RXRB: variants seen among roughly 807,000 people sequenced by gnomAD.
RXRB encodes the protein retinoic acid receptor RXR-beta.
RXRB carries 18 observed loss-of-function variants against 52.5 expected under a neutral mutation model. The ratio of observed to expected loss-of-function variants is 0.34; its 90% CI spans 0.24 to 0.51. The LOEUF (loss-of-function observed/expected upper bound fraction) is 0.51, where lower values mean the gene tolerates loss of function less well. RXRB is among the 20% of genes least tolerant of loss of function. The probability of loss-of-function intolerance (pLI) is 0.97; values close to 1 mark genes in which losing one functional copy is unlikely to be tolerated. For missense variants in RXRB, 455 were observed against 698.2 expected (o/e 0.65, Z 3.92); for synonymous variants, 233 against 267.1 (o/e 0.87, Z 1.25).
chr6:33,196,612 G>A lies in RXRB; in HGVS notation c.821-6C>T, dbSNP rs1332983995. 1 of 1,578,920 alleles carries A rather than the reference G, an allele frequency of 6.3e-7. No individual in the cohort carries two copies. Among genetic ancestry groups the A allele is most frequent in the Non-Finnish European group, 8.6e-7 (1 of 1,163,770 alleles). ...CTGACGCTCCTCCTGTACCGCTGCAGGGGGAAGGGGGAGAGAAAAAATGGA... is the reference window on the plus strand; with the variant it reads ...CTGACGCTCCTCCTGTACCGCTGCAAGGGGAAGGGGGAGAGAAAAAATGGA... On this transcript the variant is annotated splice_polypyrimidine_tract_variant and splice_region_variant and intron_variant, in intron 4 of 9. Coordinates refer to ENST00000374680, the MANE Select transcript of RXRB (RefSeq NM_021976.5). This position sits in a 1 kb window ranked among gnomAD's most constrained non-coding sequence, Gnocchi z 4.0.
chr6:33,195,864 G>A lies in RXRB; in HGVS notation c.1123+43C>T, dbSNP rs764902968. On this transcript the variant is annotated intron_variant, in intron 6 of 9. Transcript: ENST00000374680. The surrounding 1 kb of genome is among the most constrained non-coding windows in gnomAD (Gnocchi z 8.6). ...TCACTAAAGATCGGGAAGTCAAAGA[G>A]GGGTCAAATGTCAAGAAGTCAAAGG... 6 of 1,610,458 alleles carry A rather than the reference G, an allele frequency of 3.7e-6. No individual in the cohort carries two copies. In the East Asian group the frequency reaches 1.1e-4, roughly 30 times the overall value.
Position 33,194,397 on chromosome 6 carries a change from G to A in RXRB, c.*285C>T. Reference sequence around the variant, plus strand: ...GGCAAGGCCAGTGCTTTGTGCTGGGGGAAGGACAGAGGGTGAGAAATCACC... The same window carrying A: ...GGCAAGGCCAGTGCTTTGTGCTGGGAGAAGGACAGAGGGTGAGAAATCACC... On this transcript the variant is annotated 3_prime_UTR_variant, in exon 10 of 10. Coordinates refer to ENST00000374680, the MANE Select transcript of RXRB (RefSeq NM_021976.5). The surrounding 1 kb of genome is among the most constrained non-coding windows in gnomAD (Gnocchi z 4.1). 2.3e-6 allele frequency: 1 copy of A among 431,572 alleles called. No individual in the cohort carries two copies. The highest frequency in any genetic ancestry group is 4.3e-5 in the South Asian group (1 of 23,378). 26.7% of individuals were successfully genotyped at this position (431,572 alleles called of 1,614,324 possible). A position where few individuals can be genotyped will look rare whatever the true frequency, so the allele number is the denominator to read the frequency against.
chr6:33,199,102 AT>A, intron 2 of RXRB, 66 bp downstream of exon 2: 1 of 1,177,500 alleles, frequency 8.5e-7, no homozygotes, highest in East Asian at 3.0e-5. Flanking sequence ...TCACACAAGG[AT>A]CTGGGGTTAC....
rs1281096494 is a variant in RXRB, at chr6:33,198,330, T to C, written c.618A>G (p.Ala206=). 4 of 1,612,960 alleles carry C rather than the reference T, an allele frequency of 2.5e-6. No homozygotes were observed. The African/African-American group carries it at 5.3e-5, about 22-fold the overall frequency. ...TACCTGAGCTTCTGTCCCCGCAGAT[T>C]GCACATAGCCGTTTGCCAGCCCCAG... The part of the protein sequence containing the change: ...GGPGAGKRLC[A]ICGDRSSGKH... The change falls in exon 3 of 10, where the codon GCA becomes GCG. Residue 206 remains alanine (A), a synonymous_variant. Coordinates refer to ENST00000374680, the MANE Select transcript of RXRB (RefSeq NM_021976.5).
Position 33,200,295 on chromosome 6 carries a change from G to T in RXRB, c.182C>A (p.Pro61Gln). The T allele has an allele frequency of 1.2e-6, 2 of 1,603,704 alleles. No individual in the cohort carries two copies. The highest frequency in any genetic ancestry group is 3.3e-5 in the Admixed American group (2 of 59,720). Reference protein sequence around the residue: ...AAVAGGEQQTPEPEPGEAGRD... With the variant: ...AAVAGGEQQTQEPEPGEAGRD... Reference sequence around the variant, plus strand: ...TCCAGCCTCCCCTGGCTCCGGCTCCGGGGTTTGTTGTTCTCCGCCTGCCAC... The same window carrying T: ...TCCAGCCTCCCCTGGCTCCGGCTCCTGGGTTTGTTGTTCTCCGCCTGCCAC... The change falls in exon 1 of 10, where the codon CCG becomes CAG. Residue 61 changes from proline to glutamine, a missense_variant. Physicochemically the swap from Pro to Gln is moderately conservative, Grantham distance 76. Transcript: ENST00000374680. This position sits in a 1 kb window ranked among gnomAD's most constrained non-coding sequence, Gnocchi z 6.3.
Position 33,199,481 on chromosome 6 carries a change from G to C in RXRB, c.236-65C>G, listed in dbSNP as rs568299915. 2.5e-6 allele frequency: 3 copies of C among 1,211,236 alleles called. No homozygotes were observed. The East Asian group carries it at 9.2e-5, about 37-fold the overall frequency. 75.0% of individuals were successfully genotyped at this position (1,211,236 alleles called of 1,614,324 possible). A position where few individuals can be genotyped will look rare whatever the true frequency, so the allele number is the denominator to read the frequency against. On this transcript the variant is annotated intron_variant, in intron 1 of 9. Transcript: ENST00000374680. ...GACAGAAGAGACAAAAAAAGAAAAT[G>C]AGTCTTCAAACATCCAACTAGAGAC...
At position 33,196,438 on chromosome 6, in the gene RXRB, C is replaced by A; in HGVS notation, c.989G>T (p.Ser330Ile). 1 of 1,612,996 alleles carries A rather than the reference C, an allele frequency of 6.2e-7. No homozygotes were observed. The highest frequency in any genetic ancestry group is 8.5e-7 in the Non-Finnish European group (1 of 1,179,980). The change falls in exon 5 of 10, where the codon AGC (serine) becomes ATC (isoleucine). Residue 330 changes from serine (S) to isoleucine (I), a missense_variant. Ser to Ile is a moderately radical substitution (Grantham distance 142). This residue lies in a region of RXRB where 100 missense variants were observed against 141.9 expected (regional missense o/e 0.70). Transcript: ENST00000374680. The surrounding 1 kb of genome is among the most constrained non-coding windows in gnomAD (Gnocchi z 4.0). ...TGGATTGACCCCAACACTCACGCTG[C>A]TGCCGCTACCCCCGGTTCCCCCAGG... is the stretch of plus-strand genomic sequence containing the variant. Reference protein sequence around the residue: ...EGPGGTGGSGSSPNDPVTNIC... With the variant: ...EGPGGTGGSGISPNDPVTNIC...
Position 33,200,663 on chromosome 6 carries a change from G to T in RXRB, c.-187C>A. 1 of 1,537,660 alleles carries T rather than the reference G, an allele frequency of 6.5e-7. No homozygotes were observed. Among genetic ancestry groups the T allele is most frequent in the South Asian group, 1.2e-5 (1 of 82,008 alleles). ...ATGTGGCAGCCATCTTTGTACAGAC[G>T]GGAAGTCTCGGCGCGAGTTCCCGCC... On this transcript the variant is annotated 5_prime_UTR_variant, in exon 1 of 10. Coordinates refer to ENST00000374680, the MANE Select transcript of RXRB (RefSeq NM_021976.5). This position sits in a 1 kb window ranked among gnomAD's most constrained non-coding sequence, Gnocchi z 6.3.
intron 1 of RXRB, chr6:33,199,941 C>T (rs1219046898): frequency 4.1e-6 from 3 of 729,310 alleles, no homozygotes; most frequent in South Asian, 4.1e-5. Context: ...GAGACCCCTC[C>T]TAAGACGCAG....
In RXRB at chr6:33,199,252, GA is replaced by G; in HGVS notation, c.399del (p.Pro134GlnfsTer46). On this transcript the variant is annotated frameshift_variant, in exon 2 of 10. Coordinates refer to ENST00000374680, the MANE Select transcript of RXRB (RefSeq NM_021976.5). LOFTEE classifies it high-confidence loss of function. ...PMPPPPLGSPFPVISSSMGSP... is the reference protein window; with the variant it reads ...PMPPPPLGSPXPVISSSMGSP... ...GACCCCATGGAAGAACTGATGACTG[GA>G]AAGGGAGAGCCCAGTGGGGGTGGTG... 1 of 953,982 alleles carries G rather than the reference GA, an allele frequency of 1.0e-6. No individual in the cohort carries two copies. The highest frequency in any genetic ancestry group is 1.3e-6 in the Non-Finnish European group (1 of 746,328). The allele number at this position is 953,982 out of a possible 1,614,324, so 59.1% of individuals were successfully genotyped here.
At position 33,196,574 on chromosome 6, in the gene RXRB, T is replaced by C; in HGVS notation, c.853A>G (p.Lys285Glu). Residue 285 changes from lysine to glutamate, a missense_variant, in exon 5 of 10, where the codon AAG becomes GAG. This residue lies in a region of RXRB where 100 missense variants were observed against 141.9 expected (regional missense o/e 0.70). Coordinates refer to ENST00000374680, the MANE Select transcript of RXRB (RefSeq NM_021976.5). This position sits in a 1 kb window ranked among gnomAD's most constrained non-coding sequence, Gnocchi z 4.0. ...VQEERQRGKD[K>E]DGDGEGAGGA... Reference sequence around the variant, plus strand: ...CCAGCCCCCTCCCCATCCCCATCCTTGTCCTTTCCCCGCTGACGCTCCTCC... The same window carrying C: ...CCAGCCCCCTCCCCATCCCCATCCTCGTCCTTTCCCCGCTGACGCTCCTCC... The C allele has an allele frequency of 1.2e-6, 2 of 1,612,030 alleles. No homozygotes were observed. The highest frequency in any genetic ancestry group is 1.7e-6 in the Non-Finnish European group (2 of 1,179,510).
chr6:33,196,735 C>A lies in RXRB; in HGVS notation c.821-129G>T. ...AGATATTTATAGGAATTGGGGAAGT[C>A]ACTAGAAAGGGTGGACTGGGGGCAG... On this transcript the variant is annotated intron_variant, in intron 4 of 9. Transcript: ENST00000374680. The surrounding 1 kb of genome is among the most constrained non-coding windows in gnomAD (Gnocchi z 4.0). 1 of 857,926 alleles carries A rather than the reference C, an allele frequency of 1.2e-6. No individual in the cohort carries two copies. The highest frequency in any genetic ancestry group is 1.8e-5 in the South Asian group (1 of 54,620). The allele number at this position is 857,926 out of a possible 1,614,324, so 53.1% of individuals were successfully genotyped here.
At chr6:33,199,719 C>T in intron 1 of RXRB, 1 of 433,472 alleles carries the variant, frequency 2.3e-6, no homozygotes, top group African/African-American at 2.0e-5. Context: ...AGCGTAACTC[C>T]TCATTGTGGT....
Position 33,194,822 on chromosome 6 carries a change from T to G in RXRB, c.1462A>C (p.Lys488Gln). 1 of 1,612,872 alleles carries G rather than the reference T, an allele frequency of 6.2e-7. No homozygotes were observed. The highest frequency in any genetic ancestry group is 8.5e-7 in the Non-Finnish European group (1 of 1,179,984). Reference protein sequence around the residue: ...KYPEQQGRFAKLLLRLPALRS... With the variant: ...KYPEQQGRFAQLLLRLPALRS... ...AGGGCAGGAAGACGTAGCAGCAGCT[T>G]GGCAAACCTGGGGTGGAGGTGGGAG... is the stretch of plus-strand genomic sequence containing the variant. Residue 488 changes from lysine (K) to glutamine (Q), a missense_variant, in exon 10 of 10, where the codon AAG (lysine) becomes CAG (glutamine). Around this residue, in one of 4 missense-constraint regions of RXRB, gnomAD observed 115 missense variants for 253.1 expected, o/e 0.45. Coordinates refer to ENST00000374680, the MANE Select transcript of RXRB (RefSeq NM_021976.5). The surrounding 1 kb of genome is among the most constrained non-coding windows in gnomAD (Gnocchi z 4.1).
At position 33,195,632 on chromosome 6, in the gene RXRB, G is replaced by A. The variant is rs188577937; in HGVS notation, c.1194C>T (p.Ala398=). ...AGTTGCGGTGCACGTGAAGACCTGTGGCAAGGAGGATGCCATCTCGAACAT... is the reference window on the plus strand; with the variant it reads ...AGTTGCGGTGCACGTGAAGACCTGTAGCAAGGAGGATGCCATCTCGAACAT... The part of the protein sequence containing the change: ...SIDVRDGILL[A]TGLHVHRNSA... Residue 398 remains alanine (A), a synonymous_variant, in exon 7 of 10, where the codon GCC becomes GCT. Transcript: ENST00000374680. This position sits in a 1 kb window ranked among gnomAD's most constrained non-coding sequence, Gnocchi z 8.6. 194 of 1,613,058 alleles carry A rather than the reference G, an allele frequency of 1.2e-4. No individual in the cohort carries two copies. In the East Asian group the frequency reaches 3.3e-3, roughly 27 times the overall value.
rs760595170 is a variant in RXRB at position 33,200,435 on chromosome 6, A to G, written c.42T>C (p.His14=). 3 of 1,590,060 alleles carry G rather than the reference A, an allele frequency of 1.9e-6. No homozygotes were observed. In the Admixed American group the frequency reaches 5.3e-5, roughly 28 times the overall value. ...AARPPFLPQR[H]AAGQCGPVGV... is the part of the protein sequence containing the mutation. ...CCACCGGCCCACACTGCCCTGCGGC[A>G]TGCCGCTGAGGGAGGAAGGGCGGGC... is the stretch of plus-strand genomic sequence containing the variant. The change falls in exon 1 of 10, where the codon CAT becomes CAC. Residue 14 remains histidine (H), a synonymous_variant. Transcript: ENST00000374680. This position sits in a 1 kb window ranked among gnomAD's most constrained non-coding sequence, Gnocchi z 6.3.
Position 33,200,085 on chromosome 6 carries a change from CG to C in RXRB, c.235+156del, listed in dbSNP as rs1173069247. On this transcript the variant is annotated intron_variant, in intron 1 of 9. Coordinates refer to ENST00000374680, the MANE Select transcript of RXRB (RefSeq NM_021976.5). The surrounding 1 kb of genome is among the most constrained non-coding windows in gnomAD (Gnocchi z 6.3). Reference sequence around the variant, plus strand: ...GAAGCTCCCCTTCCCCGCCCCGCCCCGGGGGGGAGGGTGCTAAGGCCCTCGG... The same window carrying C: ...GAAGCTCCCCTTCCCCGCCCCGCCCCGGGGGGAGGGTGCTAAGGCCCTCGG... 59 of 1,109,720 alleles carry C rather than the reference CG, an allele frequency of 5.3e-5. No individual in the cohort carries two copies. The highest frequency in any genetic ancestry group is 2.0e-4 in the Middle Eastern group (1 of 5,086). 68.7% of individuals were successfully genotyped at this position (1,109,720 alleles called of 1,614,324 possible).
Position 33,200,368 on chromosome 6 carries a change from G to T in RXRB, c.109C>A (p.Arg37=). The T allele has an allele frequency of 6.4e-7, 1 of 1,565,950 alleles. No individual in the cohort carries two copies. ...GGATCCAGCCAGGGCCGTCGCCGCC[G>T]CCACCGGGACGCGACCCCACAATGC... ...EMHCGVASRW[R]RRRPWLDPAA... The change falls in exon 1 of 10, where the codon CGG becomes AGG. Residue 37 remains arginine (R), a synonymous_variant. Coordinates refer to ENST00000374680, the MANE Select transcript of RXRB (RefSeq NM_021976.5). The surrounding 1 kb of genome is among the most constrained non-coding windows in gnomAD (Gnocchi z 6.3).
chr6:33,197,636 A>C lies in RXRB; in HGVS notation c.820+126T>G. Reference sequence around the variant, plus strand: ...ACAGGGAGGAGAGCTGCGAAGGGAGAGAGAAATCAAATATCGCCCTCTAGA... The same window carrying C: ...ACAGGGAGGAGAGCTGCGAAGGGAGCGAGAAATCAAATATCGCCCTCTAGA... On this transcript the variant is annotated intron_variant, in intron 4 of 9. Coordinates refer to ENST00000374680, the MANE Select transcript of RXRB (RefSeq NM_021976.5). The surrounding 1 kb of genome is among the most constrained non-coding windows in gnomAD (Gnocchi z 4.4). 1 of 846,900 alleles carries C rather than the reference A, an allele frequency of 1.2e-6. No homozygotes were observed. Among genetic ancestry groups the C allele is most frequent in the Non-Finnish European group, 1.8e-6 (1 of 552,322 alleles). The allele number at this position is 846,900 out of a possible 1,614,324, so 52.5% of individuals were successfully genotyped here. A position where few individuals can be genotyped will look rare whatever the true frequency, so the allele number is the denominator to read the frequency against.
Sources: gnomAD v4.1 joint callset for allele counts on GRCh38, gnomAD v4.1.1 for gene constraint, gnomAD v4.1.1 regional missense constraint, Gnocchi (gnomAD v3.1) non-coding constraint, MANE v1.5 for transcripts, NCBI Gene and HGNC (gene_info 2026-07-23, HGNC 2026-07-21) for gene names.